SOX5: variants seen among roughly 807,000 people sequenced by gnomAD.
The protein encoded by SOX5 is SRY-box transcription factor 5.
SOX5 carries 9 observed loss-of-function variants against 92.0 expected under a neutral mutation model. That is an observed-to-expected ratio of 0.10 (90% CI 0.06 to 0.17). SOX5 has a LOEUF of 0.17. Among genes scored for constraint, SOX5 ranks in the 10% least tolerant of loss-of-function variants. SOX5 has a pLI of 1.00. For missense variants in SOX5, 642 were observed against 944.5 expected (o/e 0.68, Z 4.20); for synonymous variants, 344 against 336.3 (o/e 1.02, Z -0.25).
In SOX5 at chr12:24,453,926, C is replaced by A. The variant is rs1445074769; in HGVS notation, c.-250-85287G>T. ...TTTCATTTTTGAAGGCCGAGTGTTT[C>A]CATTTTCTTGTATACTATAGATATC... On this transcript the variant is annotated intron_variant, in intron 1 of 4. Coordinates refer to the SOX5 transcript ENST00000446891. Among the ~76,000 whole-genome samples the A allele has an allele frequency of 2.0e-5, 3 of 152,164 alleles. No homozygotes were observed. In the East Asian group the frequency reaches 5.8e-4, roughly 29 times the overall value.
rs566718585 is a variant in SOX5, at chr12:23,586,772, T to C, written c.1165-10934A>G. Among the ~76,000 whole-genome samples the C allele has an allele frequency of 8.9e-4, 136 of 151,996 alleles. No individual in the cohort carries two copies. The Middle Eastern group carries it at 0.01, about 12-fold the overall frequency. ...TTTTTACTAGAAATGACCTAAAGAT[T>C]ATTTCCCCTCCTCAACATATTCATC... On this transcript the variant is annotated intron_variant, in intron 9 of 14. Coordinates refer to ENST00000451604, the MANE Select transcript of SOX5 (RefSeq NM_006940.6).
chr12:24,518,111 C>T (rs1400525998), intron 1 of SOX5, among the ~76,000 whole-genome samples: 1 of 151,212 alleles, frequency 6.6e-6, no homozygotes, highest in Non-Finnish European at 1.5e-5. Flanking sequence ...CTTTGTCACT[C>T]AGGCTGGAGT....
At chr12:24,050,290 T>A (rs1262810617) in intron 4 of SOX5, among the ~76,000 whole-genome samples, 1 of 152,118 alleles carries the variant, frequency 6.6e-6, no homozygotes, top group African/African-American at 2.4e-5. Context: ...CATTTTTTTG[T>A]ACACATAAAC....
At chr12:23,950,521 A>C (rs1945441223), upstream of SOX5, among the ~76,000 whole-genome samples, 1 of 152,234 alleles carries the variant, frequency 6.6e-6, no homozygotes, top group Non-Finnish European at 1.5e-5. Context: ...ATAGGTATCC[A>C]CATGCCAAAA....
At chr12:24,018,954 A>G (rs552154320) in intron 4 of SOX5, among the ~76,000 whole-genome samples, 1 of 152,256 alleles carries the variant, frequency 6.6e-6, no homozygotes, top group Non-Finnish European at 1.5e-5. Context: ...AGCAAACACA[A>G]TATAACATTG....
intron 4 of SOX5, among the ~76,000 whole-genome samples, chr12:24,206,281 T>C (rs1311564361): frequency 6.6e-6 from 1 of 152,222 alleles, no homozygotes; most frequent in Non-Finnish European, 1.5e-5. Context: ...GCATTGCGTA[T>C]TTATCTTTTG....
rs67253622 is a variant in SOX5 at position 23,979,698 on chromosome 12, G to GTTTTTTTTTTTTTTTTTTTTT, written c.-1-83675_-1-83674insAAAAAAAAAAAAAAAAAAAAA. Among the ~76,000 whole-genome samples the GTTTTTTTTTTTTTTTTTTTTT allele has an allele frequency of 1.3e-3, 85 of 64,706 alleles. 33 individuals carry two copies. The East Asian group carries it at 0.017, about 13-fold the overall frequency. The allele number at this position is 64,706 out of a possible 152,430, so 42.4% of individuals were successfully genotyped here. Reference sequence around the variant, plus strand: ...TTCTTCCTTCCATATATATATATATGTTTTTTTTGTTTTTTTTTTTTTTTT... The same window carrying GTTTTTTTTTTTTTTTTTTTTT: ...TTCTTCCTTCCATATATATATATATGTTTTTTTTTTTTTTTTTTTTTTTTTTTTTGTTTTTTTTTTTTTTTT... On this transcript the variant is annotated intron_variant, in intron 4 of 4. Coordinates refer to the SOX5 transcript ENST00000446891.
At chr12:23,869,705 A>C (rs1390595202) in intron 2 of SOX5, among the ~76,000 whole-genome samples, 4 of 152,116 alleles carry the variant, frequency 2.6e-5, no homozygotes, top group African/African-American at 9.7e-5. Context: ...TTTCATACTA[A>C]GACTTCCCGA....
intron 9 of SOX5, chr12:23,584,695 T>C: frequency 1.1e-6 from 1 of 873,534 alleles, no homozygotes; most frequent in Non-Finnish European, 1.9e-6. Context: ...GGCCAAATTG[T>C]CTAAGGCACA....
chr12:24,374,879 T>G (rs539267785), intron 1 of SOX5, among the ~76,000 whole-genome samples: 2 of 152,316 alleles, frequency 1.3e-5, no homozygotes, highest in Non-Finnish European at 2.9e-5. Flanking sequence ...GAGATTTGTG[T>G]AGTCACTAGG....
intron 7 of SOX5, among the ~76,000 whole-genome samples, chr12:23,648,691 G>T (rs576159478): frequency 6.6e-6 from 1 of 152,186 alleles, no homozygotes; most frequent in Non-Finnish European, 1.5e-5. Flanking sequence ...CAGCTATACA[G>T]CATACAGAGC....
At chr12:23,772,599 A>T (rs531391238) in intron 3 of SOX5, among the ~76,000 whole-genome samples, 12 of 152,204 alleles carry the variant, frequency 7.9e-5, no homozygotes, top group Non-Finnish European at 1.6e-4. Context: ...AGTGCTTTAC[A>T]TATGTTTATT....
intron 3 of SOX5, among the ~76,000 whole-genome samples, chr12:23,798,687 G>T (rs547000314): frequency 6.7e-6 from 1 of 149,254 alleles, no homozygotes; most frequent in East Asian, 2.0e-4. Context: ...AGTCATTCTT[G>T]TCACTCAATG....
intron 4 of SOX5, among the ~76,000 whole-genome samples, chr12:24,127,171 G>A (rs1052451179): frequency 1.3e-4 from 20 of 151,722 alleles, no homozygotes; most frequent in Non-Finnish European, 2.6e-4. Context: ...ATGGATCATT[G>A]TTTGAGCACA....
At chr12:24,301,782 G>A (rs77010382) in intron 2 of SOX5, among the ~76,000 whole-genome samples, 1,589 of 152,196 alleles carry the variant, frequency 0.01, 23 homozygotes, top group Admixed American at 0.017. Context: ...TCCTACCCCT[G>A]GCTGCAGGAA....
At position 23,974,025 on chromosome 12, in the gene SOX5, G is replaced by GT. The variant is rs371175386; in HGVS notation, c.-1-78002dup. 1.4e-3 allele frequency among the ~76,000 whole-genome samples: 214 copies of GT among 151,950 alleles called. 1 individual carries two copies. The highest frequency in any genetic ancestry group is 4.8e-3 in the African/African-American group (197 of 41,440). On this transcript the variant is annotated intron_variant, in intron 4 of 4. Coordinates refer to the SOX5 transcript ENST00000446891. ...GTTGGGGACTGTTGCTGTATATGCT[G>GT]TTTTTTTTCCTATACATATATACCT...
chr12:23,859,105 A>C (rs1214094884), intron 2 of SOX5, among the ~76,000 whole-genome samples: 2 of 152,200 alleles, frequency 1.3e-5, no homozygotes, highest in Non-Finnish European at 2.9e-5. Flanking sequence ...ATATGAAATC[A>C]GGGCACCCTG....
intron 4 of SOX5, among the ~76,000 whole-genome samples, chr12:23,967,314 G>T (rs1479980526): frequency 6.6e-6 from 1 of 151,932 alleles, no homozygotes; most frequent in East Asian, 1.9e-4. Context: ...AATTGAAACT[G>T]AGCAAAATGA....
chr12:23,684,941 T>C (rs1169761041), intron 6 of SOX5, among the ~76,000 whole-genome samples: 2 of 152,278 alleles, frequency 1.3e-5, no homozygotes, highest in South Asian at 2.1e-4. Flanking sequence ...AAGTGTGGGC[T>C]GAGCATATTG....
Sources: gnomAD v4.1 joint callset for allele counts (sites outside exome capture counted in the v4.1 genomes callset) on GRCh38, gnomAD v4.1.1 for gene constraint, MANE v1.5 for transcripts, NCBI Gene and HGNC (gene_info 2026-07-23, HGNC 2026-07-21) for gene names.